The following C1QTNF7 variants were observed in gnomAD, a reference collection of about 807,000 sequenced individuals.
C1QTNF7 encodes the protein complement C1q tumor necrosis factor-related protein 7.
In C1QTNF7, 15 loss-of-function variants were observed where a neutral mutation model predicts 19.6. The ratio of observed to expected loss-of-function variants is 0.76; its 90% CI spans 0.51 to 1.18. The LOEUF is 1.18. Ranked by LOEUF, C1QTNF7 falls within the 50% of genes most tolerant of loss-of-function variation. C1QTNF7 has a pLI of 0.00. For missense variants in C1QTNF7, 324 were observed against 359.7 expected (o/e 0.90, Z 0.80); for synonymous variants, 142 against 137.5 (o/e 1.03, Z -0.23).
At chr4:15,344,102 G>T (rs1176540784) in intron 1 of C1QTNF7, among the ~76,000 whole-genome samples, 1 of 152,212 alleles carries the variant, frequency 6.6e-6, no homozygotes, top group Non-Finnish European at 1.5e-5. Context: ...AAACACAGGA[G>T]ACTGAGAGAA....
At chr4:15,394,234 G>A (rs1165313780) in intron 1 of C1QTNF7, among the ~76,000 whole-genome samples, 1 of 152,256 alleles carries the variant, frequency 6.6e-6, no homozygotes, top group Non-Finnish European at 1.5e-5. Context: ...GGGATGATAA[G>A]AGGAGCTGAA....
In C1QTNF7 at chr4:15,360,419, C is replaced by A. The variant is rs77090173; in HGVS notation, c.13+20212C>A. ...TACGTATGCTTACGTTTAAGAACATCTTCTTTTTTATATATATTGCTGATT... is the reference window on the plus strand; with the variant it reads ...TACGTATGCTTACGTTTAAGAACATATTCTTTTTTATATATATTGCTGATT... On this transcript the variant is annotated intron_variant, in intron 1 of 2. Transcript: ENST00000295297. Among the ~76,000 whole-genome samples, 548 of 152,220 alleles carry A rather than the reference C, an allele frequency of 3.6e-3. 3 individuals carry two copies. Among genetic ancestry groups the A allele is most frequent in the African/African-American group, 0.013 (524 of 41,528 alleles).
In C1QTNF7 at chr4:15,415,536, T is replaced by C. The variant is rs117022657; in HGVS notation, c.14-20200T>C. 1.8e-3 allele frequency among the ~76,000 whole-genome samples: 269 copies of C among 152,118 alleles called. 2 individuals carry two copies. In the East Asian group the frequency reaches 0.042, roughly 24 times the overall value. Reference sequence around the variant, plus strand: ...ATACAATAGAAATAAAATTAGAAAATACAAATCACCCATAACCTCTCTGTA... The same window carrying C: ...ATACAATAGAAATAAAATTAGAAAACACAAATCACCCATAACCTCTCTGTA... On this transcript the variant is annotated intron_variant, in intron 1 of 2. Coordinates refer to the C1QTNF7 transcript ENST00000295297.
chr4:15,374,691 G>A (rs1379068896), intron 1 of C1QTNF7: 1 of 985,250 alleles, frequency 1.0e-6, no homozygotes, highest in Non-Finnish European at 1.2e-6. Flanking sequence ...CCAAAGGGAA[G>A]GGGATTTTGA....
At chr4:15,373,262 T>A (rs1426098329) in intron 1 of C1QTNF7, among the ~76,000 whole-genome samples, 1 of 151,994 alleles carries the variant, frequency 6.6e-6, no homozygotes, top group Admixed American at 6.6e-5. Flanking sequence ...GACAGAAGGG[T>A]AGAGGGCAAA....
At chr4:15,394,033 G>A (rs1383277318) in intron 1 of C1QTNF7, among the ~76,000 whole-genome samples, 1 of 152,230 alleles carries the variant, frequency 6.6e-6, no homozygotes, top group Non-Finnish European at 1.5e-5. Context: ...GCAGGGAAGG[G>A]AAAGGCTCAC....
intron 1 of C1QTNF7, among the ~76,000 whole-genome samples, chr4:15,371,908 G>T (rs181944083): frequency 6.6e-6 from 1 of 152,062 alleles, no homozygotes; most frequent in Non-Finnish European, 1.5e-5. Context: ...TTGCCTCCAG[G>T]CAACTCAATA....
chr4:15,430,204 A>C (rs919348927), intron 1 of C1QTNF7, among the ~76,000 whole-genome samples: 1 of 152,238 alleles, frequency 6.6e-6, no homozygotes, highest in Non-Finnish European at 1.5e-5. Context: ...TTTTAAAAAC[A>C]AAAACCTGTT....
chr4:15,373,132 C>T (rs937978635), intron 1 of C1QTNF7, among the ~76,000 whole-genome samples: 12 of 152,210 alleles, frequency 7.9e-5, no homozygotes, highest in Admixed American at 7.9e-4. Flanking sequence ...GTTCTAGAGG[C>T]TGGGATATCC....
intron 1 of C1QTNF7, among the ~76,000 whole-genome samples, chr4:15,359,019 T>C (rs987605519): frequency 1.8e-4 from 27 of 152,260 alleles, no homozygotes; most frequent in Non-Finnish European, 2.5e-4. Flanking sequence ...AGTGGGACAA[T>C]TGGGCATGCA....
At chr4:15,340,347 C>A in intron 1 of C1QTNF7, 4 of 1,142,656 alleles carry the variant, frequency 3.5e-6, no homozygotes, top group Non-Finnish European at 5.0e-6. Context: ...AATGATAAAT[C>A]AGAGGTTAGA....
rs1304241958 is a variant in C1QTNF7 at position 15,445,463 on chromosome 4, T to C, written c.*2664T>C. 6.6e-6 allele frequency: 1 copy of C among 152,264 alleles called. No individual in the cohort carries two copies. The highest frequency in any genetic ancestry group is 2.4e-5 in the African/African-American group (1 of 41,472). 9.4% of individuals were successfully genotyped at this position (152,264 alleles called of 1,614,324 possible). ...GGACATTGCTTACTTATCTTTTAAA[T>C]GTTTCTTTTATTACAAAGCCTATTT... On this transcript the variant is annotated 3_prime_UTR_variant, in exon 3 of 3. Coordinates refer to ENST00000444304, the MANE Select transcript of C1QTNF7 (RefSeq NM_031911.5).
At chr4:15,421,702 A>C (rs974374264) in intron 1 of C1QTNF7, among the ~76,000 whole-genome samples, 5 of 152,208 alleles carry the variant, frequency 3.3e-5, no homozygotes. Flanking sequence ...CAGTTCTCTC[A>C]TTTAGAAACT....
intron 1 of C1QTNF7, chr4:15,419,888 C>A (rs1459559613): frequency 6.6e-6 from 1 of 152,134 alleles, no homozygotes; most frequent in Non-Finnish European, 1.5e-5. Flanking sequence ...TAGAATCCCA[C>A]TATATTAGAA....
intron 1 of C1QTNF7, chr4:15,362,477 A>G (rs1016819614): frequency 6.6e-6 from 1 of 152,178 alleles, no homozygotes; most frequent in Non-Finnish European, 1.5e-5. Context: ...GCATAACTCC[A>G]CTTACAAAAT....
intron 1 of C1QTNF7, among the ~76,000 whole-genome samples, chr4:15,341,427 C>T (rs1716532286): frequency 6.6e-6 from 1 of 152,128 alleles, no homozygotes; most frequent in South Asian, 2.1e-4. Context: ...ATAAAGTGGA[C>T]TGTTGTGGCT....
intron 1 of C1QTNF7, among the ~76,000 whole-genome samples, chr4:15,412,042 T>C (rs992359629): frequency 1.3e-5 from 2 of 152,074 alleles, no homozygotes; most frequent in African/African-American, 4.8e-5. Flanking sequence ...AGCAACAACA[T>C]TATATTCTCA....
chr4:15,350,264 AG>A (rs1716878215), intron 1 of C1QTNF7, among the ~76,000 whole-genome samples: 1 of 124,684 alleles, frequency 8.0e-6, no homozygotes, highest in Non-Finnish European at 1.7e-5. Context: ...GGAGAGAGGG[AG>A]GGAGGAAAGA....
chr4:15,377,694 A>G (rs1047610256), intron 1 of C1QTNF7, among the ~76,000 whole-genome samples: 5 of 152,194 alleles, frequency 3.3e-5, no homozygotes, highest in Non-Finnish European at 5.9e-5. Context: ...AGGGTGGTGG[A>G]GCAGGAAGCA....
Sources: gnomAD v4.1 joint callset for allele counts (sites outside exome capture counted in the v4.1 genomes callset) on GRCh38, gnomAD v4.1.1 for gene constraint, MANE v1.5 for transcripts, NCBI Gene and HGNC (gene_info 2026-07-23, HGNC 2026-07-21) for gene names.